CDK5RAP2: variants seen among roughly 807,000 people sequenced by gnomAD.
CDK5RAP2 encodes CDK5 regulatory subunit-associated protein 2.
A neutral mutation model predicts 232.9 loss-of-function variants in CDK5RAP2; 147 were observed. The observed-to-expected ratio is 0.63, with a 90% CI of 0.55 to 0.72. The LOEUF is 0.72. Among genes scored for constraint, CDK5RAP2 ranks in the 30% least tolerant of loss-of-function variants. The probability of loss-of-function intolerance (pLI) is 0.00; values close to 1 mark genes in which losing one functional copy is unlikely to be tolerated. For missense variants in CDK5RAP2, 2,195 were observed against 2,231.5 expected, an observed-to-expected ratio of 0.98 and a Z score of 0.33; for synonymous variants, 833 against 833.7, an observed-to-expected ratio of 1.00 and a Z score of 0.01.
At chr9:120,516,879 T>G (rs1429057343) in intron 12 of CDK5RAP2, among the ~76,000 whole-genome samples, 1 of 152,180 alleles carries the variant, frequency 6.6e-6, no homozygotes, top group African/African-American at 2.4e-5. Flanking sequence ...CCCAGTAATC[T>G]CACTCCTCAG....
At chr9:120,546,782 C>T (rs1299594391) in intron 4 of CDK5RAP2, among the ~76,000 whole-genome samples, 1 of 152,054 alleles carries the variant, frequency 6.6e-6, no homozygotes, top group African/African-American at 2.4e-5. Context: ...TATAGGCGTG[C>T]ACTGCCACAC....
intron 3 of CDK5RAP2, among the ~76,000 whole-genome samples, chr9:120,554,863 C>G (rs1205580775): frequency 6.6e-6 from 1 of 152,016 alleles, no homozygotes; most frequent in African/African-American, 2.4e-5. Flanking sequence ...AAACTCCTGA[C>G]CTCGGGTGAT....
At position 120,400,912 on chromosome 9, in the gene CDK5RAP2, C is replaced by T. The variant is rs370978182; in HGVS notation, c.5308-27G>A. 8.1e-6 allele frequency: 13 copies of T among 1,613,622 alleles called. No individual in the cohort carries two copies. In the East Asian group the frequency reaches 1.3e-4, roughly 17 times the overall value. On this transcript the variant is annotated intron_variant, in intron 34 of 37. Coordinates refer to ENST00000349780, the MANE Select transcript of CDK5RAP2 (RefSeq NM_018249.6). ...TACACGGGGGATATGAAGGCTGTTA[C>T]GTGCAGTCTTGAAAAAGATTTTAGA...
At chr9:120,476,681 A>T (rs1041824285) in intron 15 of CDK5RAP2, among the ~76,000 whole-genome samples, 1 of 149,680 alleles carries the variant, frequency 6.7e-6, no homozygotes, top group Non-Finnish European at 1.5e-5. Flanking sequence ...TCCATCTCAA[A>T]AAAAAAAAAA....
At chr9:120,482,059 ACTCT>A (rs1342578266) in intron 14 of CDK5RAP2, among the ~76,000 whole-genome samples, 2 of 152,134 alleles carry the variant, frequency 1.3e-5, no homozygotes, top group Non-Finnish European at 2.9e-5. Flanking sequence ...GATGAAACTG[ACTCT>A]CTGAGAGCAG....
At chr9:120,469,574 T>C (rs973027265) in intron 17 of CDK5RAP2, among the ~76,000 whole-genome samples, 5 of 152,184 alleles carry the variant, frequency 3.3e-5, no homozygotes, top group Admixed American at 2.0e-4. Flanking sequence ...ACTCTAACCA[T>C]GACACTGATC....
intron 29 of CDK5RAP2, among the ~76,000 whole-genome samples, chr9:120,410,253 C>T (rs1186232367): frequency 6.6e-6 from 1 of 152,162 alleles, no homozygotes; most frequent in Non-Finnish European, 1.5e-5. Flanking sequence ...AGCAAGCATT[C>T]ACCTCCTCCC....
chr9:120,535,294 TC>T (rs1588596019), intron 7 of CDK5RAP2, among the ~76,000 whole-genome samples: 1 of 152,122 alleles, frequency 6.6e-6, no homozygotes, highest in East Asian at 1.9e-4. Flanking sequence ...GATAATCCTA[TC>T]CCAAAGATTA....
At position 120,437,377 on chromosome 9, in the gene CDK5RAP2, A is replaced by G; in HGVS notation, c.3873T>C (p.Asp1291=). The G allele has an allele frequency of 6.2e-7, 1 of 1,614,076 alleles. No homozygotes were observed. Among genetic ancestry groups the G allele is most frequent in the South Asian group, 1.1e-5 (1 of 91,076 alleles). The change falls in exon 25 of 38, where the codon GAT becomes GAC. Residue 1291 remains aspartate, a synonymous_variant. Transcript: ENST00000349780. ...CCTGGAAACCCTCGGCCACACAGTA[A>G]TCCACATCACTGGCCTGCAGCAACT... ...FEELLQASDV[D]YCVAEGFQEQ...
intron 1 of CDK5RAP2, among the ~76,000 whole-genome samples, chr9:120,574,467 C>T (rs189138394): frequency 6.6e-6 from 1 of 152,354 alleles, no homozygotes; most frequent in African/African-American, 2.4e-5. Context: ...GGGTTAGGAA[C>T]TTATTTACTC....
At position 120,389,039 on chromosome 9, in the gene CDK5RAP2, AC is replaced by A. The variant is rs1029297093; in HGVS notation, c.*196del. The A allele has an allele frequency of 8.2e-6, 5 of 608,952 alleles. No homozygotes were observed. The highest frequency in any genetic ancestry group is 7.4e-5 in the African/African-American group (4 of 53,948). The allele number at this position is 608,952 out of a possible 1,614,324, so 37.7% of individuals were successfully genotyped here. A position where few individuals can be genotyped will look rare whatever the true frequency, so the allele number is the denominator to read the frequency against. On this transcript the variant is annotated 3_prime_UTR_variant, in exon 38 of 38. Transcript: ENST00000349780. ...TCCAAGAGCTCGAGGCCTTTTTACC[AC>A]CCGTTTGTGGAGCACCTGCACCTTT...
At chr9:120,572,065 G>A (rs2132208070) in intron 1 of CDK5RAP2, 24 bp from the exon 2 acceptor site, 1 of 1,548,518 alleles carries the variant, frequency 6.5e-7, no homozygotes, top group Non-Finnish European at 8.9e-7. Context: ...CATGAGATAA[G>A]AGATGAGCTA....
chr9:120,538,143 T>C (rs2041474781), intron 6 of CDK5RAP2, among the ~76,000 whole-genome samples: 2 of 152,242 alleles, frequency 1.3e-5, no homozygotes, highest in African/African-American at 4.8e-5. Context: ...CCAAGCCTGT[T>C]TAAAACACAG....
In CDK5RAP2 at chr9:120,453,832, T is replaced by C; in HGVS notation, c.2417A>G (p.Gln806Arg). 1 of 1,614,236 alleles carries C rather than the reference T, an allele frequency of 6.2e-7. No homozygotes were observed. The highest frequency in any genetic ancestry group is 8.5e-7 in the Non-Finnish European group (1 of 1,180,038). ...LKVVRELLLG[Q>R]LFLTEQEVSG... ...AACTTCCTGCTCTGTCAAGAATAGT[T>C]GTCCCAGAAGCAGTTCCCGTACCAC... is the stretch of plus-strand genomic sequence containing the variant. Residue 806 changes from glutamine (Q) to arginine (R), a missense_variant, in exon 21 of 38, where the codon CAA (glutamine) becomes CGA (arginine). Gln to Arg is a conservative substitution (Grantham distance 43). Coordinates refer to ENST00000349780, the MANE Select transcript of CDK5RAP2 (RefSeq NM_018249.6).
At chr9:120,458,363 G>T in intron 20 of CDK5RAP2, 87 bp downstream of exon 20, 1 of 1,286,558 alleles carries the variant, frequency 7.8e-7, no homozygotes, top group Non-Finnish European at 1.1e-6. Context: ...AAATTACACA[G>T]CACGATCATC....
rs747141365 is a variant in CDK5RAP2, at chr9:120,415,793, G to GATGCTTCCCTCTATTTAAA, written c.4178-635_4178-634insTTTAAATAGAGGGAAGCAT. Among the ~76,000 whole-genome samples, 625 of 152,074 alleles carry GATGCTTCCCTCTATTTAAA rather than the reference G, an allele frequency of 4.1e-3. 2 individuals carry two copies. Among genetic ancestry groups the GATGCTTCCCTCTATTTAAA allele is most frequent in the Admixed American group, 6.2e-3 (94 of 15,284 alleles). On this transcript the variant is annotated intron_variant, in intron 27 of 37. Transcript: ENST00000349780. Reference sequence around the variant, plus strand: ...CTTTTACCAAATAATTCAACTCTTAGGACTCTATTTAAAGAGACCACCAGA... The same window carrying GATGCTTCCCTCTATTTAAA: ...CTTTTACCAAATAATTCAACTCTTAGATGCTTCCCTCTATTTAAAGACTCTATTTAAAGAGACCACCAGA...
At chr9:120,573,705 A>AT (rs2042935791) in intron 1 of CDK5RAP2, among the ~76,000 whole-genome samples, 1 of 152,270 alleles carries the variant, frequency 6.6e-6, no homozygotes, top group Non-Finnish European at 1.5e-5. Context: ...CTACAGATAT[A>AT]TAACAAGACA....
chr9:120,427,746 T>C (rs916400004), intron 25 of CDK5RAP2, among the ~76,000 whole-genome samples: 12 of 152,250 alleles, frequency 7.9e-5, no homozygotes, highest in African/African-American at 1.7e-4. Context: ...AACGGAATCA[T>C]GGAAGAGGGG....
chr9:120,457,229 C>T (rs935776178), intron 20 of CDK5RAP2, among the ~76,000 whole-genome samples: 2 of 152,154 alleles, frequency 1.3e-5, no homozygotes, highest in African/African-American at 4.8e-5. Flanking sequence ...CTTTCTGACT[C>T]CCAACCATTG....
Sources: gnomAD v4.1 joint callset for allele counts (sites outside exome capture counted in the v4.1 genomes callset) on GRCh38, gnomAD v4.1.1 for gene constraint, MANE v1.5 for transcripts, NCBI Gene and HGNC (gene_info 2026-07-23, HGNC 2026-07-21) for gene names.